Variants in ZFHX3 observed in about 807,000 individuals in gnomAD.
ZFHX3 encodes zinc finger homeobox protein 3.
In ZFHX3, 42 loss-of-function variants were observed where a neutral mutation model predicts 279.1. The ratio of observed to expected loss-of-function variants is 0.15; its 90% CI spans 0.12 to 0.19. The LOEUF is 0.19. Among genes scored for constraint, ZFHX3 ranks in the 10% least tolerant of loss-of-function variants. The probability of loss-of-function intolerance (pLI) is 1.00; values close to 1 mark genes in which losing one functional copy is unlikely to be tolerated. For missense variants in ZFHX3, 4,981 were observed against 4,754.0 expected, an observed-to-expected ratio of 1.05 and a Z score of -1.40; for synonymous variants, 2,293 against 1,957.8, an observed-to-expected ratio of 1.17 and a Z score of -4.52.
chr16:72,938,334 T>C (rs1211329001), intron 3 of ZFHX3, among the ~76,000 whole-genome samples: 1 of 152,262 alleles, frequency 6.6e-6, no homozygotes, highest in Non-Finnish European at 1.5e-5. Flanking sequence ...AAATGAGCAC[T>C]TAAAATGACA....
rs1567517546 is a variant in ZFHX3 at position 72,796,936 on chromosome 16, T to C, written c.5746A>G (p.Lys1916Glu). 2 of 1,613,956 alleles carry C rather than the reference T, an allele frequency of 1.2e-6. No homozygotes were observed. Among genetic ancestry groups the C allele is most frequent in the Non-Finnish European group, 8.5e-7 (1 of 1,179,968 alleles). ...KETLPDALKA[K>E]EKKELAPGGG... The stretch of plus-strand genomic sequence containing the variant: ...CCTGGTGCCAACTCTTTCTTCTCTT[T>C]GGCCTTCAAGGCATCTGGCAGTGTT... Residue 1916 changes from lysine (K) to glutamate (E), a missense_variant, in exon 9 of 10, where the codon AAA becomes GAA. Around this residue, in one of 7 missense-constraint regions of ZFHX3, gnomAD observed 1,751 missense variants for 1,770.0 expected, o/e 0.99. Coordinates refer to ENST00000268489, the MANE Select transcript of ZFHX3 (RefSeq NM_006885.4).
intron 1 of ZFHX3, among the ~76,000 whole-genome samples, chr16:73,703,377 C>T (rs942457877): frequency 4.0e-5 from 6 of 151,420 alleles, no homozygotes; most frequent in African/African-American, 1.5e-4. Context: ...TAACAACCCA[C>T]CTAAAGAAAA....
intron 2 of ZFHX3, among the ~76,000 whole-genome samples, chr16:73,634,820 C>T (rs915930423): frequency 5.9e-5 from 9 of 152,038 alleles, no homozygotes; most frequent in East Asian, 1.9e-4. Flanking sequence ...CCTTCTCCTT[C>T]GTAAAATCTT....
rs568516853 is a variant in ZFHX3 at position 73,597,749 on chromosome 16, A to G, written c.-1547+82431T>C. 5.3e-5 allele frequency among the ~76,000 whole-genome samples: 8 copies of G among 152,294 alleles called. No homozygotes were observed. In the South Asian group the frequency reaches 1.7e-3, roughly 32 times the overall value. ...TTTCAGAGGGAGCACAGCTCTGCCA[A>G]CACCTTGATTTCAGACTTCTAGACT... is the stretch of plus-strand genomic sequence containing the variant. On this transcript the variant is annotated intron_variant, in intron 2 of 17. Coordinates refer to the ZFHX3 transcript ENST00000641206.
At chr16:73,376,647 A>T (rs542404827) in intron 3 of ZFHX3, among the ~76,000 whole-genome samples, 1 of 152,318 alleles carries the variant, frequency 6.6e-6, no homozygotes, top group East Asian at 1.9e-4. Flanking sequence ...TATAATGGCA[A>T]CAACCGTACG....
At chr16:72,978,559 T>C (rs1369746632) in intron 1 of ZFHX3, among the ~76,000 whole-genome samples, 1 of 151,994 alleles carries the variant, frequency 6.6e-6, no homozygotes, top group Non-Finnish European at 1.5e-5. Context: ...GCCCAGAGGA[T>C]TGGAAGTGCT....
intron 2 of ZFHX3, among the ~76,000 whole-genome samples, chr16:73,562,736 A>G (rs2020390131): frequency 6.6e-6 from 1 of 152,114 alleles, no homozygotes; most frequent in South Asian, 2.1e-4. Flanking sequence ...AAGAACAGAC[A>G]AAATTATTTG....
chr16:73,440,651 T>C (rs1344437773), intron 3 of ZFHX3, among the ~76,000 whole-genome samples: 2 of 152,226 alleles, frequency 1.3e-5, no homozygotes, highest in Non-Finnish European at 2.9e-5. Context: ...CAACGAGATC[T>C]ATGCAGCTAA....
Position 73,010,256 on chromosome 16 carries a change from A to C in ZFHX3, c.-50+37496T>G, listed in dbSNP as rs554089031. 7.1e-4 allele frequency among the ~76,000 whole-genome samples: 108 copies of C among 152,240 alleles called. 2 individuals are homozygous for C. The South Asian group carries it at 0.022, about 31-fold the overall frequency. On this transcript the variant is annotated intron_variant, in intron 1 of 9. Coordinates refer to ENST00000268489, the MANE Select transcript of ZFHX3 (RefSeq NM_006885.4). ...ACAGAATGCCCAGCTGTGGGGAAGGAAACTGTGCCACCTGCATCGCCCGTG... is the reference window on the plus strand; with the variant it reads ...ACAGAATGCCCAGCTGTGGGGAAGGCAACTGTGCCACCTGCATCGCCCGTG...
intron 4 of ZFHX3, among the ~76,000 whole-genome samples, chr16:72,856,781 A>G (rs1185876518): frequency 6.6e-6 from 1 of 152,242 alleles, no homozygotes; most frequent in African/African-American, 2.4e-5. Flanking sequence ...GCCACCTTCT[A>G]CTAAACCATG....
chr16:73,247,865 C>A (rs947997234), intron 5 of ZFHX3, among the ~76,000 whole-genome samples: 1 of 139,900 alleles, frequency 7.1e-6, no homozygotes, highest in African/African-American at 2.7e-5. Context: ...TGCCTGTATG[C>A]GGAGTGTATA....
chr16:72,932,117 T>C (rs1279647717), intron 3 of ZFHX3, among the ~76,000 whole-genome samples: 1 of 152,230 alleles, frequency 6.6e-6, no homozygotes, highest in South Asian at 2.1e-4. Flanking sequence ...CTGAGTGTCC[T>C]GTGTACTCTA....
Position 73,296,878 on chromosome 16 carries a change from T to TG in ZFHX3, c.-1194+21361_-1194+21362insC, listed in dbSNP as rs780753825. 1.3e-3 allele frequency among the ~76,000 whole-genome samples: 59 copies of TG among 46,526 alleles called. 4 individuals carry two copies. The highest frequency in any genetic ancestry group is 3.2e-3 in the South Asian group (3 of 926). The allele number at this position is 46,526 out of a possible 152,430, so 30.5% of individuals were successfully genotyped here. A position where few individuals can be genotyped will look rare whatever the true frequency, so the allele number is the denominator to read the frequency against. On this transcript the variant is annotated intron_variant, in intron 4 of 17. Transcript: ENST00000641206. ...TTATAATTGCCATGTGAAGCAGGAATTTTTTTTTTTTTTTTTTTGAGACGG... is the reference window on the plus strand; with the variant it reads ...TTATAATTGCCATGTGAAGCAGGAATGTTTTTTTTTTTTTTTTTTGAGACGG...
intron 5 of ZFHX3, among the ~76,000 whole-genome samples, chr16:73,252,517 G>A (rs1395475378): frequency 1.3e-5 from 2 of 152,130 alleles, no homozygotes; most frequent in African/African-American, 4.8e-5. Flanking sequence ...GAATATGGGG[G>A]CGGAAGTGCA....
At chr16:73,591,094 C>T (rs1352258722) in intron 2 of ZFHX3, among the ~76,000 whole-genome samples, 6 of 151,872 alleles carry the variant, frequency 4.0e-5, no homozygotes, top group African/African-American at 9.7e-5. Context: ...GCCTCATGCC[C>T]GTAATCCCAG....
chr16:73,433,979 G>C (rs1375268881), intron 3 of ZFHX3, among the ~76,000 whole-genome samples: 1 of 152,186 alleles, frequency 6.6e-6, no homozygotes, highest in South Asian at 2.1e-4. Context: ...ATTGACTTGC[G>C]TGTCCCTTCT....
chr16:73,656,857 T>G (rs1597050680), intron 2 of ZFHX3, among the ~76,000 whole-genome samples: 1 of 152,198 alleles, frequency 6.6e-6, no homozygotes, highest in South Asian at 2.1e-4. Flanking sequence ...ATCAAAATGT[T>G]AAGAACAGCC....
At chr16:73,837,708 G>A (rs1441350728) in intron 1 of ZFHX3, among the ~76,000 whole-genome samples, 1 of 152,086 alleles carries the variant, frequency 6.6e-6, no homozygotes, top group African/African-American at 2.4e-5. Context: ...GCGCGATCTC[G>A]GCTCACCACA....
intron 1 of ZFHX3, among the ~76,000 whole-genome samples, chr16:73,801,014 C>A (rs80033677): frequency 6.6e-6 from 1 of 152,096 alleles, no homozygotes; most frequent in Admixed American, 6.5e-5. Context: ...ATAACCTCCC[C>A]GTAATGAGCA....
Sources: gnomAD v4.1 joint callset for allele counts (sites outside exome capture counted in the v4.1 genomes callset) on GRCh38, gnomAD v4.1.1 for gene constraint, gnomAD v4.1.1 regional missense constraint, MANE v1.5 for transcripts, NCBI Gene and HGNC (gene_info 2026-07-23, HGNC 2026-07-21) for gene names.